The following FUT9 variants were observed in gnomAD, a reference collection of about 807,000 sequenced individuals.
FUT9 encodes 4-galactosyl-N-acetylglucosaminide 3-alpha-L-fucosyltransferase 9.
In FUT9, 15 loss-of-function variants were observed where a neutral mutation model predicts 29.7. The ratio of observed to expected loss-of-function variants is 0.51; its 90% confidence interval spans 0.34 to 0.78. The LOEUF is 0.78. FUT9 is among the 30% of genes least tolerant of loss of function. FUT9 has a pLI of 0.01. For synonymous variants in FUT9, 169 were observed against 153.7 expected (o/e 1.10, Z -0.74); for missense variants, 319 against 425.4 (o/e 0.75, Z 2.20).
chr6:96,155,849 C>T (rs1167253433), intron 2 of FUT9, among the ~76,000 whole-genome samples: 1 of 152,088 alleles, frequency 6.6e-6, no homozygotes, highest in East Asian at 1.9e-4. Flanking sequence ...TCTTGGACTT[C>T]CAGCCTCTAG....
chr6:96,173,755 T>G (rs1415425477), intron 2 of FUT9, among the ~76,000 whole-genome samples: 1 of 106,760 alleles, frequency 9.4e-6, no homozygotes, highest in East Asian at 3.0e-4. Context: ...TTATGGACAT[T>G]TAAAATAAAA....
At chr6:96,071,800 A>AT (rs1356559797) in intron 1 of FUT9, among the ~76,000 whole-genome samples, 2 of 151,388 alleles carry the variant, frequency 1.3e-5, no homozygotes, top group African/African-American at 4.8e-5. Context: ...TTAAAATTTA[A>AT]GTTTTTTTTT....
chr6:96,183,175 C>T (rs1773341191), intron 2 of FUT9, among the ~76,000 whole-genome samples: 1 of 151,818 alleles, frequency 6.6e-6, no homozygotes, highest in Non-Finnish European at 1.5e-5. Flanking sequence ...AGGTATATTC[C>T]TAAGTATTTC....
chr6:96,080,478 A>C (rs942635607), intron 1 of FUT9, among the ~76,000 whole-genome samples: 1 of 151,974 alleles, frequency 6.6e-6, no homozygotes, highest in Non-Finnish European at 1.5e-5. Flanking sequence ...CTACTTATTA[A>C]ATGTATGTAT....
intron 1 of FUT9, among the ~76,000 whole-genome samples, chr6:96,110,395 G>C (rs72929988): frequency 6.6e-6 from 1 of 152,104 alleles, no homozygotes; most frequent in Non-Finnish European, 1.5e-5. Context: ...AAGTGAATCT[G>C]TCATGCCACA....
intron 1 of FUT9, among the ~76,000 whole-genome samples, chr6:96,035,982 T>G (rs1444551125): frequency 1.3e-5 from 1 of 79,098 alleles, no homozygotes; most frequent in Non-Finnish European, 2.3e-5. Flanking sequence ...ATACATTATG[T>G]TTATTATATT....
At chr6:96,079,093 C>A (rs760332183) in intron 1 of FUT9, among the ~76,000 whole-genome samples, 2 of 152,110 alleles carry the variant, frequency 1.3e-5, no homozygotes, top group Admixed American at 6.5e-5. Flanking sequence ...CCTCTTCATA[C>A]GTGCCCATGT....
chr6:96,192,030 T>C (rs1490266589), intron 2 of FUT9, among the ~76,000 whole-genome samples: 1 of 152,046 alleles, frequency 6.6e-6, no homozygotes, highest in Non-Finnish European at 1.5e-5. Context: ...TCTCAATAAA[T>C]TAGGTATTCA....
At chr6:96,116,156 T>C (rs911618803) in intron 2 of FUT9, among the ~76,000 whole-genome samples, 2 of 152,146 alleles carry the variant, frequency 1.3e-5, no homozygotes, top group African/African-American at 4.8e-5. Context: ...AAAGAAGATG[T>C]ATGGATGACT....
intron 1 of FUT9, among the ~76,000 whole-genome samples, chr6:96,108,727 G>A (rs7768089): frequency 0.42 from 63,605 of 151,852 alleles, 13,720 homozygotes; most frequent in East Asian, 0.61. Context: ...GTGCCTTGTC[G>A]TTATTCAGTA....
chr6:96,090,458 A>G (rs1201110443), intron 1 of FUT9, among the ~76,000 whole-genome samples: 2 of 151,930 alleles, frequency 1.3e-5, no homozygotes, highest in African/African-American at 4.8e-5. Flanking sequence ...AAGCAACAGG[A>G]AATAATTATA....
chr6:96,191,266 C>T (rs563188291), intron 2 of FUT9, among the ~76,000 whole-genome samples: 2 of 152,068 alleles, frequency 1.3e-5, no homozygotes, highest in Non-Finnish European at 2.9e-5. Flanking sequence ...ACAAAAAACC[C>T]TTCAAAAAAT....
chr6:96,172,946 A>C (rs367594880), intron 2 of FUT9, among the ~76,000 whole-genome samples: 9 of 152,274 alleles, frequency 5.9e-5, no homozygotes, highest in South Asian at 4.1e-4. Context: ...TTAAAAACAG[A>C]AACATTTTTA....
intron 1 of FUT9, among the ~76,000 whole-genome samples, chr6:96,021,535 A>G (rs2127921406): frequency 6.6e-6 from 1 of 152,204 alleles, no homozygotes; most frequent in Non-Finnish European, 1.5e-5. Flanking sequence ...AATATGTGTA[A>G]TAGCTATCCT....
At chr6:96,106,010 A>G (rs1771673153) in intron 1 of FUT9, among the ~76,000 whole-genome samples, 1 of 152,182 alleles carries the variant, frequency 6.6e-6, no homozygotes, top group Non-Finnish European at 1.5e-5. Flanking sequence ...TAGACTTTGT[A>G]GTACATTGGG....
intron 1 of FUT9, among the ~76,000 whole-genome samples, chr6:96,058,767 G>T (rs770441247): frequency 3.3e-5 from 5 of 152,032 alleles, no homozygotes; most frequent in Non-Finnish European, 7.4e-5. Context: ...ATGTTGTTTT[G>T]TACTTTGTAT....
chr6:96,065,108 T>C (rs971335933), intron 1 of FUT9, among the ~76,000 whole-genome samples: 21 of 152,164 alleles, frequency 1.4e-4, no homozygotes, highest in Non-Finnish European at 2.4e-4. Flanking sequence ...AGATTAGATG[T>C]TTCTGGAAGA....
At chr6:96,083,021 G>A (rs1771263177) in intron 1 of FUT9, among the ~76,000 whole-genome samples, 1 of 151,826 alleles carries the variant, frequency 6.6e-6, no homozygotes, top group Non-Finnish European at 1.5e-5. Flanking sequence ...CTTTTTAACT[G>A]GGTTCTCTGT....
At chr6:96,074,118 G>A (rs757173040) in intron 1 of FUT9, among the ~76,000 whole-genome samples, 8 of 152,052 alleles carry the variant, frequency 5.3e-5, no homozygotes, top group South Asian at 2.1e-4. Flanking sequence ...TTATCTCACC[G>A]AATATTAGCA....
Sources: gnomAD v4.1 joint callset for allele counts (sites outside exome capture counted in the v4.1 genomes callset) on GRCh38, gnomAD v4.1.1 for gene constraint, MANE v1.5 for transcripts, NCBI Gene and HGNC (gene_info 2026-07-23, HGNC 2026-07-21) for gene names.